Variants in DPP10 observed in about 807,000 individuals in gnomAD.
The protein encoded by DPP10 is dipeptidyl peptidase like 10.
In DPP10, 33 loss-of-function variants were observed where a neutral mutation model predicts 120.9. That is an observed-to-expected ratio of 0.27 (90% CI 0.21 to 0.37). The LOEUF (loss-of-function observed/expected upper bound fraction) is 0.37, where lower values mean the gene tolerates loss of function less well. Among genes scored for constraint, DPP10 ranks in the 10% least tolerant of loss-of-function variants. The pLI is 1.00. For missense variants in DPP10, 816 were observed against 942.8 expected (o/e 0.87, Z 1.76); for synonymous variants, 337 against 326.1 (o/e 1.03, Z -0.36).
chr2:115,081,705 A>G (rs1388503063), intron 1 of DPP10, among the ~76,000 whole-genome samples: 1 of 152,164 alleles, frequency 6.6e-6, no homozygotes, highest in Non-Finnish European at 1.5e-5. Context: ...TTTGAAAAAA[A>G]AAATTTAGAA....
intron 5 of DPP10, among the ~76,000 whole-genome samples, chr2:115,670,565 G>A (rs2089795167): frequency 6.6e-6 from 1 of 152,062 alleles, no homozygotes; most frequent in Non-Finnish European, 1.5e-5. Flanking sequence ...TTGTGAAAGA[G>A]CAGAAATGTG....
chr2:114,609,176 G>A (rs1489938457), intron 1 of DPP10, among the ~76,000 whole-genome samples: 1 of 152,138 alleles, frequency 6.6e-6, no homozygotes, highest in Non-Finnish European at 1.5e-5. Context: ...CAGAAAAGCA[G>A]CAAGAGCCAC....
chr2:114,633,633 G>T (rs1336170522), intron 1 of DPP10, among the ~76,000 whole-genome samples: 1 of 150,772 alleles, frequency 6.6e-6, no homozygotes, highest in Non-Finnish European at 1.5e-5. Flanking sequence ...ATTATTTTTT[G>T]AGATGGAGTC....
intron 1 of DPP10, among the ~76,000 whole-genome samples, chr2:114,957,784 G>A (rs1243899260): frequency 6.6e-6 from 1 of 152,158 alleles, no homozygotes; most frequent in African/African-American, 2.4e-5. Flanking sequence ...AAAAAAGAAG[G>A]AAATTCTGCT....
chr2:115,592,497 A>G (rs914975546), intron 5 of DPP10, among the ~76,000 whole-genome samples: 2 of 152,058 alleles, frequency 1.3e-5, no homozygotes, highest in African/African-American at 4.8e-5. Flanking sequence ...TGGGAGGCCA[A>G]GGCCTAGCAC....
rs142897750 is a variant in DPP10 at position 115,444,749 on chromosome 2, A to G, written c.272-54761A>G. 7.5e-3 allele frequency among the ~76,000 whole-genome samples: 1,140 copies of G among 152,348 alleles called. 5 individuals carry two copies. The highest frequency in any genetic ancestry group is 0.011 in the Non-Finnish European group (754 of 68,036). On this transcript the variant is annotated intron_variant, in intron 3 of 25. Coordinates refer to ENST00000410059, the MANE Select transcript of DPP10 (RefSeq NM_020868.6). ...ATTACTGCAAGTATAGAAGTAATGC[A>G]TTTTGGTAGGTTTGCAAACATATGT...
intron 1 of DPP10, among the ~76,000 whole-genome samples, chr2:114,923,108 C>T (rs779968054): frequency 2.4e-4 from 36 of 151,470 alleles, no homozygotes; most frequent in Non-Finnish European, 4.7e-4. Flanking sequence ...TATAAGAGTT[C>T]TTTGTACATT....
intron 5 of DPP10, among the ~76,000 whole-genome samples, chr2:115,546,448 A>G (rs1358968365): frequency 2.6e-5 from 4 of 152,166 alleles, no homozygotes; most frequent in Non-Finnish European, 4.4e-5. Flanking sequence ...ACAATGGGAT[A>G]GAAAATGTAT....
At chr2:114,843,622 G>C (rs1688327870) in intron 1 of DPP10, among the ~76,000 whole-genome samples, 1 of 152,058 alleles carries the variant, frequency 6.6e-6, no homozygotes. Flanking sequence ...CATCTTAAAA[G>C]CTTCAATCAT....
At chr2:114,709,024 G>A (rs1053792718) in intron 1 of DPP10, among the ~76,000 whole-genome samples, 1 of 152,184 alleles carries the variant, frequency 6.6e-6, no homozygotes, top group African/African-American at 2.4e-5. Flanking sequence ...CCAAAGTGCT[G>A]GGATTTCAGG....
chr2:115,833,541 T>C (rs371658249), intron 21 of DPP10, among the ~76,000 whole-genome samples: 1 of 152,164 alleles, frequency 6.6e-6, no homozygotes, highest in Non-Finnish European at 1.5e-5. Context: ...ACGTACCTAA[T>C]CTGAAAATCC....
At chr2:115,546,484 T>A (rs1575146262) in intron 5 of DPP10, among the ~76,000 whole-genome samples, 1 of 152,148 alleles carries the variant, frequency 6.6e-6, no homozygotes, top group Admixed American at 6.6e-5. Context: ...TTCATTTAGG[T>A]TTCTCTGTAT....
intron 4 of DPP10, among the ~76,000 whole-genome samples, chr2:115,513,806 G>A (rs1018637553): frequency 6.6e-5 from 10 of 152,072 alleles, no homozygotes; most frequent in Non-Finnish European, 1.3e-4. Context: ...ACAAGCAAAT[G>A]TGTTTATGTT....
intron 5 of DPP10, among the ~76,000 whole-genome samples, chr2:115,597,426 C>G (rs1412012103): frequency 6.6e-6 from 1 of 151,762 alleles, no homozygotes; most frequent in East Asian, 1.9e-4. Context: ...AGAAAGGAAG[C>G]AAACGTAAGT....
At chr2:115,514,908 A>T (rs942178474) in intron 4 of DPP10, among the ~76,000 whole-genome samples, 1 of 151,864 alleles carries the variant, frequency 6.6e-6, no homozygotes, top group Non-Finnish European at 1.5e-5. Flanking sequence ...GTTTGTATAT[A>T]TCTTCATGGA....
chr2:114,714,662 A>G (rs1260874094), intron 1 of DPP10, among the ~76,000 whole-genome samples: 2 of 152,066 alleles, frequency 1.3e-5, no homozygotes, highest in African/African-American at 2.4e-5. Context: ...GGGTTTGGTT[A>G]TTTTTCTGAG....
chr2:115,091,009 G>A (rs1709206873), intron 1 of DPP10, among the ~76,000 whole-genome samples: 1 of 152,184 alleles, frequency 6.6e-6, no homozygotes, highest in East Asian at 1.9e-4. Flanking sequence ...TAAAATGGCA[G>A]TGCTCATCCA....
At chr2:115,153,810 C>T (rs1353396682) in intron 1 of DPP10, among the ~76,000 whole-genome samples, 1 of 152,098 alleles carries the variant, frequency 6.6e-6, no homozygotes, top group African/African-American at 2.4e-5. Flanking sequence ...ATACTTGTCT[C>T]TCCTACCCCT....
intron 1 of DPP10, among the ~76,000 whole-genome samples, chr2:114,719,424 G>T (rs1005610018): frequency 6.6e-6 from 1 of 152,082 alleles, no homozygotes; most frequent in African/African-American, 2.4e-5. Context: ...GTGGTAAGTT[G>T]CTCTGCCCTT....
Sources: gnomAD v4.1 joint callset for allele counts (sites outside exome capture counted in the v4.1 genomes callset) on GRCh38, gnomAD v4.1.1 for gene constraint, MANE v1.5 for transcripts, NCBI Gene and HGNC (gene_info 2026-07-23, HGNC 2026-07-21) for gene names.